The following CSMD2 variants were observed in gnomAD, a reference collection of about 807,000 sequenced individuals.
CSMD2 encodes the protein CUB and sushi domain-containing protein 2.
In CSMD2, 130 loss-of-function variants were observed where a neutral mutation model predicts 398.5. The ratio of observed to expected loss-of-function variants is 0.33; its 90% CI spans 0.28 to 0.38. The LOEUF (loss-of-function observed/expected upper bound fraction) is 0.38, where lower values mean the gene tolerates loss of function less well. Among genes scored for constraint, CSMD2 ranks in the 10% least tolerant of loss-of-function variants. The pLI is 1.00. For missense variants in CSMD2, 3,829 were observed against 4,764.9 expected (o/e 0.80, Z 5.78); for synonymous variants, 1,828 against 1,908.5 (o/e 0.96, Z 1.10).
chr1:33,663,208 TC>T, intron 25 of CSMD2, 116 bp from the exon 26 acceptor site: 2 of 801,122 alleles, frequency 2.5e-6, no homozygotes, highest in Non-Finnish European at 3.9e-6. Flanking sequence ...GCCCTAAACC[TC>T]CGAAGCCCAG....
intron 10 of CSMD2, 74 bp downstream of exon 10, chr1:33,810,669 A>C: frequency 6.6e-7 from 1 of 1,508,396 alleles, no homozygotes; most frequent in African/African-American, 1.4e-5. Flanking sequence ...TCTGGGTTTG[A>C]AAAACCTTGT....
intron 6 of CSMD2, among the ~76,000 whole-genome samples, chr1:33,829,259 T>C (rs1040517760): frequency 2.0e-5 from 3 of 152,178 alleles, no homozygotes; most frequent in East Asian, 1.9e-4. Flanking sequence ...ACACACCATA[T>C]GGGAGCTGAT....
At chr1:33,968,558 T>C (rs1337732777) in intron 3 of CSMD2, among the ~76,000 whole-genome samples, 1 of 152,242 alleles carries the variant, frequency 6.6e-6, no homozygotes, top group Non-Finnish European at 1.5e-5. Flanking sequence ...AGATGCCATG[T>C]GGCAAGGAAT....
chr1:33,551,328 C>T (rs1050821241), intron 55 of CSMD2, among the ~76,000 whole-genome samples: 4 of 152,202 alleles, frequency 2.6e-5, no homozygotes, highest in Non-Finnish European at 5.9e-5. Flanking sequence ...TGGGAAGCCA[C>T]TGGAGTTATA....
intron 1 of CSMD2, among the ~76,000 whole-genome samples, chr1:34,139,905 G>A (rs1300127253): frequency 1.3e-5 from 2 of 152,166 alleles, no homozygotes; most frequent in Admixed American, 6.5e-5. Flanking sequence ...CCAGTCTTGT[G>A]TGGGAAGGAA....
intron 1 of CSMD2, among the ~76,000 whole-genome samples, chr1:34,100,700 G>C (rs550257093): frequency 2.8e-4 from 43 of 152,286 alleles, no homozygotes; most frequent in Non-Finnish European, 5.7e-4. Flanking sequence ...GGTTATACTA[G>C]AATTTAGTTA....
At chr1:33,800,935 G>C (rs980635019) in intron 10 of CSMD2, among the ~76,000 whole-genome samples, 3 of 152,202 alleles carry the variant, frequency 2.0e-5, no homozygotes, top group African/African-American at 7.2e-5. Context: ...GCCTGGCACA[G>C]AGAGGGTGTT....
Position 34,165,038 on chromosome 1 carries a change from G to A in CSMD2, c.60C>T (p.Arg20=). The A allele has an allele frequency of 1.6e-6, 2 of 1,212,814 alleles. No homozygotes were observed. Among genetic ancestry groups the A allele is most frequent in the Non-Finnish European group, 2.0e-6 (2 of 975,798 alleles). 75.1% of individuals were successfully genotyped at this position (1,212,814 alleles called of 1,614,324 possible). A position where few individuals can be genotyped will look rare whatever the true frequency, so the allele number is the denominator to read the frequency against. Residue 20 remains arginine (R), a synonymous_variant, in exon 1 of 71, where the codon CGC becomes CGT. Transcript: ENST00000373381. ...GRCGCPAGRA[R]GETGISALVP... ...CAAGCGCCGAAATCCCGGTTTCGCCGCGAGCCCTCCCCGCGGGGCAGCCGC... is the reference window on the plus strand; with the variant it reads ...CAAGCGCCGAAATCCCGGTTTCGCCACGAGCCCTCCCCGCGGGGCAGCCGC...
chr1:33,700,372 T>C, intron 23 of CSMD2, 145 bp downstream of exon 23: 1 of 777,310 alleles, frequency 1.3e-6, no homozygotes. Flanking sequence ...TGTTTACCCA[T>C]GCATCCACTG....
At chr1:33,868,080 GA>G (rs948830331) in intron 5 of CSMD2, among the ~76,000 whole-genome samples, 2 of 152,184 alleles carry the variant, frequency 1.3e-5, no homozygotes, top group Non-Finnish European at 2.9e-5. Flanking sequence ...GAGAGAGAGG[GA>G]GGGAAGGAGG....
intron 13 of CSMD2, 98 bp from the exon 14 acceptor site, chr1:33,743,704 A>G: frequency 1.1e-6 from 1 of 880,758 alleles, no homozygotes; most frequent in Non-Finnish European, 1.7e-6. Context: ...TCTAAAAAGC[A>G]ACAGAAAGAA....
intron 4 of CSMD2, among the ~76,000 whole-genome samples, chr1:33,923,685 T>G (rs1211095310): frequency 6.6e-6 from 1 of 152,216 alleles, no homozygotes; most frequent in Admixed American, 6.5e-5. Flanking sequence ...TACATTGTTG[T>G]TTTAACTATA....
chr1:33,680,589 T>C (rs1269188990), intron 25 of CSMD2, among the ~76,000 whole-genome samples: 1 of 152,222 alleles, frequency 6.6e-6, no homozygotes, highest in Non-Finnish European at 1.5e-5. Context: ...GTAGCACTTC[T>C]GTGCTCTGGG....
intron 29 of CSMD2, among the ~76,000 whole-genome samples, chr1:33,643,889 TGAAGGAAGGAAG>T (rs3078758): frequency 0.01 from 1,485 of 142,886 alleles, 15 homozygotes; most frequent in African/African-American, 0.022. Context: ...AGTCTGGGAA[TGAAGGAAGGAAG>T]GAAGGAAGGA....
chr1:33,533,179 G>A lies in CSMD2; in HGVS notation c.10042C>T (p.Leu3348=). Reference sequence around the variant, plus strand: ...GTGTAGCCCATGGAGGGCAAATCCAGGGCCCCGACGTTGGCATGCGTTGGC... The same window carrying A: ...GTGTAGCCCATGGAGGGCAAATCCAAGGCCCCGACGTTGGCATGCGTTGGC... ...ETPTHANVGA[L]DLPSMGYTLI... Residue 3348 remains leucine, a synonymous_variant, in exon 64 of 71, where the codon CTG becomes TTG. Transcript: ENST00000373381. The surrounding 1 kb of genome is among the most constrained non-coding windows in gnomAD (Gnocchi z 4.2). 3 of 1,614,048 alleles carry A rather than the reference G, an allele frequency of 1.9e-6. No homozygotes were observed. The highest frequency in any genetic ancestry group is 2.5e-6 in the Non-Finnish European group (3 of 1,180,002).
chr1:33,762,804 G>A lies in CSMD2; in HGVS notation c.1846+9765C>T, dbSNP rs554406919. Among the ~76,000 whole-genome samples the A allele has an allele frequency of 6.6e-5, 10 of 152,260 alleles. 1 individual carries two copies. Among genetic ancestry groups the A allele is most frequent in the African/African-American group, 1.4e-4 (6 of 41,534 alleles). On this transcript the variant is annotated intron_variant, in intron 13 of 70. Coordinates refer to ENST00000373381, the MANE Select transcript of CSMD2 (RefSeq NM_001281956.2). ...CTTACTCACTAGACTATGAGCTCTTGGAGGGCAAGAACCATGTTTGAATCA... is the reference window on the plus strand; with the variant it reads ...CTTACTCACTAGACTATGAGCTCTTAGAGGGCAAGAACCATGTTTGAATCA...
intron 25 of CSMD2, among the ~76,000 whole-genome samples, chr1:33,684,174 C>T (rs572502421): frequency 2.1e-4 from 32 of 152,272 alleles, no homozygotes; most frequent in Admixed American, 2.0e-3. Flanking sequence ...CAGCATCCTC[C>T]CAGGAAGATA....
intron 5 of CSMD2, among the ~76,000 whole-genome samples, chr1:33,893,364 G>A (rs1203743375): frequency 6.6e-6 from 1 of 152,206 alleles, no homozygotes; most frequent in African/African-American, 2.4e-5. Context: ...TGGTTTATCT[G>A]AGTCCAGATC....
chr1:33,544,102 CTTTTT>C (rs57678063), intron 57 of CSMD2, among the ~76,000 whole-genome samples: 2 of 89,368 alleles, frequency 2.2e-5, no homozygotes, highest in South Asian at 4.0e-4. Context: ...CCATATTTGT[CTTTTT>C]TTTTTTTTTT....
Sources: allele counts gnomAD v4.1 joint callset (sites outside exome capture counted in the v4.1 genomes callset), GRCh38; gene constraint gnomAD v4.1.1; non-coding constraint Gnocchi (gnomAD v3.1); transcripts MANE v1.5; gene names NCBI Gene and HGNC (gene_info 2026-07-23, HGNC 2026-07-21).